Variants in AGTPBP1 observed in about 807,000 individuals in gnomAD.
AGTPBP1 encodes ATP/GTP binding carboxypeptidase 1.
AGTPBP1 carries 70 observed loss-of-function variants against 143.9 expected under a neutral mutation model. The observed-to-expected ratio is 0.49, with a 90% CI of 0.40 to 0.59. The LOEUF (loss-of-function observed/expected upper bound fraction) is 0.59. Ranked by LOEUF, AGTPBP1 falls within the 20% of genes least tolerant of loss-of-function variation. AGTPBP1 has a pLI of 0.00. For missense variants in AGTPBP1, 1,229 were observed against 1,464.5 expected (o/e 0.84, Z 2.62); for synonymous variants, 463 against 500.2 (o/e 0.93, Z 0.99).
chr9:85,597,111 C>A (rs1040618646), intron 17 of AGTPBP1, among the ~76,000 whole-genome samples: 1 of 152,028 alleles, frequency 6.6e-6, no homozygotes, highest in Non-Finnish European at 1.5e-5. Flanking sequence ...TAAATTCTAA[C>A]TTAAGGATAG....
chr9:85,777,925 G>A, the AGTPBP1 span, among the ~76,000 whole-genome samples: 2 of 152,216 alleles, frequency 1.3e-5, no homozygotes, highest in Non-Finnish European at 2.9e-5. Context: ...GTCCTAGAAA[G>A]GGGCTGTAGT....
At chr9:85,713,740 A>C (rs1837528938) in intron 1 of AGTPBP1, among the ~76,000 whole-genome samples, 1 of 152,186 alleles carries the variant, frequency 6.6e-6, no homozygotes, top group African/African-American at 2.4e-5. Context: ...CGACATACAT[A>C]ATTTTTTTTC....
At chr9:85,778,676 T>C in the AGTPBP1 span, among the ~76,000 whole-genome samples, 4 of 152,232 alleles carry the variant, frequency 2.6e-5, no homozygotes, top group Non-Finnish European at 4.4e-5. Flanking sequence ...ATTGTGCCTC[T>C]TTCTTGGTTG....
At chr9:85,650,042 C>CTT (rs35903806) in intron 11 of AGTPBP1, among the ~76,000 whole-genome samples, 2,090 of 109,174 alleles carry the variant, frequency 0.019, 44 homozygotes, top group African/African-American at 0.034. Context: ...CTAAACTTTC[C>CTT]TTTTTTTTTT....
intron 17 of AGTPBP1, among the ~76,000 whole-genome samples, chr9:85,617,239 T>C (rs984300269): frequency 1.3e-5 from 2 of 152,164 alleles, no homozygotes; most frequent in Non-Finnish European, 2.9e-5. Flanking sequence ...TTAAATGAAA[T>C]GGATGATACA....
chr9:85,713,256 C>T (rs1237816323), intron 1 of AGTPBP1, among the ~76,000 whole-genome samples: 2 of 152,204 alleles, frequency 1.3e-5, no homozygotes, highest in Admixed American at 1.3e-4. Context: ...CATGGCTGGG[C>T]ATGGTGGCTC....
chr9:85,723,596 T>C (rs955778317), intron 1 of AGTPBP1, among the ~76,000 whole-genome samples: 10 of 152,228 alleles, frequency 6.6e-5, no homozygotes, highest in African/African-American at 2.4e-4. Flanking sequence ...AAGTACAGAC[T>C]GTCATGGATT....
At chr9:85,639,708 T>C (rs919241856) in intron 13 of AGTPBP1, among the ~76,000 whole-genome samples, 3 of 152,170 alleles carry the variant, frequency 2.0e-5, no homozygotes, top group African/African-American at 7.2e-5. Flanking sequence ...AAGTCCATAG[T>C]AAATGCCATC....
In AGTPBP1 at chr9:85,583,606, T is replaced by A. The variant is rs1349425930; in HGVS notation, c.3165+1857A>T. Among the ~76,000 whole-genome samples the A allele has an allele frequency of 2.0e-5, 3 of 151,994 alleles. No individual in the cohort carries two copies. In the East Asian group the frequency reaches 5.8e-4, roughly 29 times the overall value. ...TCAAAAAATTAATCAAATAAAGAAA[T>A]CTGAGACAAGATAATTTTAATGAAA... On this transcript the variant is annotated intron_variant, in intron 23 of 25. Transcript: ENST00000357081.
At chr9:85,742,004 T>G (rs1190587784), upstream of AGTPBP1, 1 of 1,208,016 alleles carries the variant, frequency 8.3e-7, no homozygotes, top group South Asian at 4.0e-5. Flanking sequence ...CCGCACGCCT[T>G]GCCAGCCGGC....
intron 1 of AGTPBP1, among the ~76,000 whole-genome samples, chr9:85,723,827 T>C (rs758649505): frequency 4.6e-5 from 7 of 152,174 alleles, no homozygotes; most frequent in Non-Finnish European, 7.3e-5. Context: ...AAGCCTCCTC[T>C]GGGTTGACTG....
intron 23 of AGTPBP1, among the ~76,000 whole-genome samples, chr9:85,584,660 T>A (rs1828490459): frequency 6.6e-6 from 1 of 152,122 alleles, no homozygotes; most frequent in Non-Finnish European, 1.5e-5. Context: ...CTGAAAAATT[T>A]GTAGAAATTT....
the AGTPBP1 span, chr9:85,785,946 A>G: frequency 6.7e-5 from 37 of 553,076 alleles, no homozygotes; most frequent in Non-Finnish European, 1.2e-4. Flanking sequence ...TCATATTCAC[A>G]CATCTGTTCA....
chr9:85,636,393 G>A (rs1277921493), intron 13 of AGTPBP1, among the ~76,000 whole-genome samples: 1 of 151,300 alleles, frequency 6.6e-6, no homozygotes, highest in Non-Finnish European at 1.5e-5. Flanking sequence ...TTCCCGAGTA[G>A]CTAGGATTAC....
chr9:85,558,258 C>T (rs1310206161), intron 25 of AGTPBP1, among the ~76,000 whole-genome samples: 3 of 152,146 alleles, frequency 2.0e-5, no homozygotes, highest in Admixed American at 1.3e-4. Context: ...TGTATGATTC[C>T]ATTTCTATGA....
chr9:85,713,791 AC>A (rs1352849627), intron 1 of AGTPBP1, among the ~76,000 whole-genome samples: 1 of 152,240 alleles, frequency 6.6e-6, no homozygotes, highest in Non-Finnish European at 1.5e-5. Context: ...AGAATTGTGT[AC>A]AAAAATTACA....
intron 17 of AGTPBP1, among the ~76,000 whole-genome samples, chr9:85,611,318 A>G (rs1830305301): frequency 6.6e-6 from 1 of 151,968 alleles, no homozygotes; most frequent in South Asian, 2.1e-4. Context: ...AAACTCCTCT[A>G]TTAAAAGACA....
chr9:85,691,256 T>C lies in AGTPBP1; in HGVS notation c.157+1433A>G, dbSNP rs148492507. ...TTATGCAAGAAACAATGGGGTGGTA[T>C]CAACTATCCTCCAAATGCATGGGCT... is the stretch of plus-strand genomic sequence containing the variant. On this transcript the variant is annotated intron_variant, in intron 3 of 25. Transcript: ENST00000357081. 2.0e-3 allele frequency among the ~76,000 whole-genome samples: 310 copies of C among 152,228 alleles called. 4 individuals carry two copies. The East Asian group carries it at 0.028, about 14-fold the overall frequency.
chr9:85,795,054 A>T, the AGTPBP1 span, among the ~76,000 whole-genome samples: 1 of 152,302 alleles, frequency 6.6e-6, no homozygotes, highest in South Asian at 2.1e-4. Flanking sequence ...TACCCATACA[A>T]ACTAATTTAA....
Sources: gnomAD v4.1 joint callset for allele counts (sites outside exome capture counted in the v4.1 genomes callset) on GRCh38, gnomAD v4.1.1 for gene constraint, MANE v1.5 for transcripts, NCBI Gene and HGNC (gene_info 2026-07-23, HGNC 2026-07-21) for gene names.